The following C7orf33 variants were observed in gnomAD, a reference collection of about 807,000 sequenced individuals.
C7orf33 encodes the protein chromosome 7 open reading frame 33.
C7orf33 carries 15 observed loss-of-function variants against 13.4 expected under a neutral mutation model. The ratio of observed to expected loss-of-function variants is 1.12; its 90% CI spans 0.75 to 1.72. C7orf33 has a LOEUF of 1.72. C7orf33 is among the 40% of genes most tolerant of loss of function. C7orf33 has a pLI of 0.00. For synonymous variants in C7orf33, 73 were observed against 83.2 expected (o/e 0.88, Z 0.67); for missense variants, 187 against 220.3 (o/e 0.85, Z 0.96).
intron 1 of C7orf33, among the ~76,000 whole-genome samples, chr7:148,607,675 T>G (rs1162119272): frequency 6.6e-6 from 1 of 152,176 alleles, no homozygotes; most frequent in Non-Finnish European, 1.5e-5. Context: ...ATATTTTTCT[T>G]TGAGTTTTTT....
intron 1 of C7orf33, among the ~76,000 whole-genome samples, chr7:148,612,757 G>A (rs112870597): frequency 0.043 from 6,479 of 151,914 alleles, 445 homozygotes; most frequent in African/African-American, 0.15. Context: ...TGGTGAGGAT[G>A]TGGAGAAATT....
chr7:148,597,787 G>A (rs1278547494), intron 1 of C7orf33, among the ~76,000 whole-genome samples: 2 of 147,682 alleles, frequency 1.4e-5, no homozygotes. Flanking sequence ...ACGGAATCTC[G>A]CACTGTCGCC....
rs1796576809 is a variant in C7orf33, at chr7:148,614,178, C to G, written c.341C>G (p.Pro114Arg). 6.2e-7 allele frequency: 1 copy of G among 1,614,070 alleles called. No homozygotes were observed. Among genetic ancestry groups the G allele is most frequent in the Non-Finnish European group, 8.5e-7 (1 of 1,180,036 alleles). The change falls in exon 2 of 3, where the codon CCA becomes CGA. Residue 114 changes from proline (P) to arginine (R), a missense_variant. Transcript: ENST00000307003. ...TDAQRAVRIRPGTRMGLSSDP... is the reference protein window; with the variant it reads ...TDAQRAVRIRRGTRMGLSSDP... Reference sequence around the variant, plus strand: ...GCCCAGAGAGCAGTCAGAATCAGGCCAGGCACCAGGATGGGCTTGTCCTCA... The same window carrying G: ...GCCCAGAGAGCAGTCAGAATCAGGCGAGGCACCAGGATGGGCTTGTCCTCA...
At chr7:148,601,887 T>C (rs1413658159) in intron 1 of C7orf33, among the ~76,000 whole-genome samples, 3 of 152,028 alleles carry the variant, frequency 2.0e-5, no homozygotes, top group Middle Eastern at 3.2e-3. Flanking sequence ...AGCTACGACT[T>C]CAGGCACATG....
intron 1 of C7orf33, among the ~76,000 whole-genome samples, chr7:148,606,370 T>C (rs1192924773): frequency 6.6e-6 from 1 of 152,154 alleles, no homozygotes; most frequent in Non-Finnish European, 1.5e-5. Flanking sequence ...CTGTCAAAAA[T>C]ACCTCACCTC....
chr7:148,601,779 G>GCT (rs1796417999), intron 1 of C7orf33, among the ~76,000 whole-genome samples: 1 of 151,588 alleles, frequency 6.6e-6, no homozygotes, highest in Non-Finnish European at 1.5e-5. Flanking sequence ...ACACGGTCTT[G>GCT]CTCTGTTGCT....
intron 1 of C7orf33, among the ~76,000 whole-genome samples, chr7:148,599,129 C>T (rs571368733): frequency 8.9e-4 from 136 of 152,110 alleles, no homozygotes; most frequent in South Asian, 3.3e-3. Context: ...TCCCAAAGTG[C>T]TGGGATTACA....
intron 1 of C7orf33, among the ~76,000 whole-genome samples, chr7:148,609,634 ACTTC>A (rs1796513271): frequency 6.6e-6 from 1 of 152,164 alleles, no homozygotes; most frequent in African/African-American, 2.4e-5. Context: ...GGGAGGAAGG[ACTTC>A]CTTGGAAATC....
chr7:148,602,773 T>C (rs1389450752), intron 1 of C7orf33, among the ~76,000 whole-genome samples: 1 of 152,090 alleles, frequency 6.6e-6, no homozygotes, highest in Non-Finnish European at 1.5e-5. Flanking sequence ...GCCTAAAAAT[T>C]CCAAAAATAA....
chr7:148,590,984 C>T lies in C7orf33; in HGVS notation c.59C>T (p.Pro20Leu). ...LEECPWRLPG[P>L]QCECEALLPS... ...GAGTGTCCCTGGAGACTTCCAGGCC[C>T]CCAATGTGAATGTGAAGCCCTCCTG... The change falls in exon 1 of 3, where the codon CCC (proline) becomes CTC (leucine). Residue 20 changes from proline (P) to leucine (L), a missense_variant. By Grantham distance (98) the Pro-to-Leu change is moderately conservative. Transcript: ENST00000307003. 1 of 1,614,166 alleles carries T rather than the reference C, an allele frequency of 6.2e-7. No individual in the cohort carries two copies. The highest frequency in any genetic ancestry group is 8.5e-7 in the Non-Finnish European group (1 of 1,180,038).
At chr7:148,613,970 C>G (rs1444339972) in intron 1 of C7orf33, 72 bp from the exon 2 acceptor site, 1 of 1,487,266 alleles carries the variant, frequency 6.7e-7, no homozygotes, top group Non-Finnish European at 9.2e-7. Flanking sequence ...AATGTGAGAA[C>G]AAATTAGTAG....
intron 1 of C7orf33, among the ~76,000 whole-genome samples, chr7:148,604,618 C>G (rs1374383771): frequency 6.6e-6 from 1 of 152,172 alleles, no homozygotes; most frequent in Non-Finnish European, 1.5e-5. Context: ...GTACCCTGCT[C>G]AGGTGATGGG....
intron 1 of C7orf33, among the ~76,000 whole-genome samples, chr7:148,607,772 G>GT: frequency 6.6e-6 from 1 of 152,154 alleles, no homozygotes; most frequent in East Asian, 1.9e-4. Context: ...ACAAGAAAGC[G>GT]TATCGGGTTT....
chr7:148,596,529 T>C (rs1180555562), intron 1 of C7orf33, among the ~76,000 whole-genome samples: 2 of 152,028 alleles, frequency 1.3e-5, no homozygotes, highest in African/African-American at 4.8e-5. Context: ...GCAAATCACG[T>C]CTTACATGGA....
At chr7:148,591,315 T>C (rs1454049584) in intron 1 of C7orf33, among the ~76,000 whole-genome samples, 186 bp downstream of exon 1, 1 of 152,210 alleles carries the variant, frequency 6.6e-6, no homozygotes, top group African/African-American at 2.4e-5. Context: ...CCTGGAATCT[T>C]CTTAGGGAAA....
intron 1 of C7orf33, among the ~76,000 whole-genome samples, chr7:148,612,812 C>T (rs1796560391): frequency 6.6e-6 from 1 of 151,602 alleles, no homozygotes; most frequent in Non-Finnish European, 1.5e-5. Flanking sequence ...TGGTGCCAGC[C>T]ACTTTGACAC....
chr7:148,615,492 T>A lies in C7orf33; in HGVS notation c.*91T>A. On this transcript the variant is annotated 3_prime_UTR_variant, in exon 3 of 3. Transcript: ENST00000307003. Reference sequence around the variant, plus strand: ...GAAAAAAGAGAAATAGCTGAAGTTCTGGAAATAACAGTTGATGAAAACTTG... The same window carrying A: ...GAAAAAAGAGAAATAGCTGAAGTTCAGGAAATAACAGTTGATGAAAACTTG... 1.2e-6 allele frequency: 1 copy of A among 833,926 alleles called. No individual in the cohort carries two copies. Among genetic ancestry groups the A allele is most frequent in the Non-Finnish European group, 2.0e-6 (1 of 495,412 alleles). 51.7% of individuals were successfully genotyped at this position (833,926 alleles called of 1,614,324 possible). A position where few individuals can be genotyped will look rare whatever the true frequency, so the allele number is the denominator to read the frequency against.
chr7:148,611,182 G>A (rs1023958435), intron 1 of C7orf33, among the ~76,000 whole-genome samples: 1 of 152,178 alleles, frequency 6.6e-6, no homozygotes, highest in African/African-American at 2.4e-5. Context: ...GGGCAGGGAA[G>A]TGCTGGGTAG....
In C7orf33 at chr7:148,614,067, A is replaced by T; in HGVS notation, c.230A>T (p.Asn77Ile). Reference protein sequence around the residue: ...HKKPNPHQNMNRGMEFIAPVS... With the variant: ...HKKPNPHQNMIRGMEFIAPVS... Reference sequence around the variant, plus strand: ...AAGCCAAACCCACACCAAAACATGAACCGGGGGATGGAATTTATTGCTCCT... The same window carrying T: ...AAGCCAAACCCACACCAAAACATGATCCGGGGGATGGAATTTATTGCTCCT... The change falls in exon 2 of 3, where the codon AAC (asparagine) becomes ATC (isoleucine). Residue 77 changes from asparagine (N) to isoleucine (I), a missense_variant. Asn to Ile is a moderately radical substitution (Grantham distance 149, BLOSUM62 -3). Coordinates refer to ENST00000307003, the MANE Select transcript of C7orf33 (RefSeq NM_145304.4). 2 of 1,614,106 alleles carry T rather than the reference A, an allele frequency of 1.2e-6. No homozygotes were observed. The highest frequency in any genetic ancestry group is 1.7e-6 in the Non-Finnish European group (2 of 1,179,986).
Sources: gnomAD v4.1 joint callset for allele counts (sites outside exome capture counted in the v4.1 genomes callset) on GRCh38, gnomAD v4.1.1 for gene constraint, MANE v1.5 for transcripts, NCBI Gene and HGNC (gene_info 2026-07-23, HGNC 2026-07-21) for gene names.